The following GNAL variants were observed in gnomAD, a reference collection of about 807,000 sequenced individuals.
The protein encoded by GNAL is guanine nucleotide-binding protein G(olf) subunit alpha.
A neutral mutation model predicts 55.1 loss-of-function variants in GNAL; 18 were observed. That is an observed-to-expected ratio of 0.33 (90% confidence interval 0.23 to 0.48). The LOEUF (loss-of-function observed/expected upper bound fraction) is 0.48, where lower values mean the gene tolerates loss of function less well. Among genes scored for constraint, GNAL ranks in the 20% least tolerant of loss-of-function variants. The probability of loss-of-function intolerance (pLI) is 0.99; values close to 1 mark genes in which losing one functional copy is unlikely to be tolerated. For missense variants in GNAL, 412 were observed against 614.1 expected, an observed-to-expected ratio of 0.67 and a Z score of 3.48; for synonymous variants, 253 against 237.0, an observed-to-expected ratio of 1.07 and a Z score of -0.62.
chr18:11,789,997 C>G (rs926854313), intron 4 of GNAL, among the ~76,000 whole-genome samples: 4 of 152,230 alleles, frequency 2.6e-5, no homozygotes, highest in Non-Finnish European at 4.4e-5. Flanking sequence ...ACTCAGATCA[C>G]TGATGATGCA....
chr18:11,740,634 T>A (rs963260827), intron 1 of GNAL, among the ~76,000 whole-genome samples: 1 of 152,222 alleles, frequency 6.6e-6, no homozygotes, highest in Non-Finnish European at 1.5e-5. Flanking sequence ...TCATTCCATA[T>A]GTGTGTGTTG....
intron 1 of GNAL, chr18:11,745,562 C>G (rs889671424): frequency 6.5e-6 from 1 of 152,854 alleles, no homozygotes; most frequent in Non-Finnish European, 1.5e-5. Context: ...CCGCTGGTGC[C>G]TAGTCTTTTC....
intron 4 of GNAL, among the ~76,000 whole-genome samples, chr18:11,763,089 CATA>C (rs1228327022): frequency 6.6e-6 from 1 of 152,170 alleles, no homozygotes; most frequent in Non-Finnish European, 1.5e-5. Context: ...GCAATATTAT[CATA>C]AGAGGTACTC....
At chr18:11,763,480 C>T (rs534565917) in intron 4 of GNAL, among the ~76,000 whole-genome samples, 3 of 151,880 alleles carry the variant, frequency 2.0e-5, no homozygotes, top group East Asian at 3.9e-4. Flanking sequence ...GGTGCGATCT[C>T]GGCTCACTGC....
At chr18:11,692,634 A>G (rs1404303038) in intron 1 of GNAL, among the ~76,000 whole-genome samples, 2 of 152,114 alleles carry the variant, frequency 1.3e-5, no homozygotes, top group African/African-American at 2.4e-5. Context: ...AAAAAAAAAT[A>G]GAGACACAGC....
chr18:11,849,522 G>C (rs904916917), intron 5 of GNAL, among the ~76,000 whole-genome samples: 1 of 140,710 alleles, frequency 7.1e-6, no homozygotes, highest in Admixed American at 7.0e-5. Context: ...AAAAAAAAAA[G>C]AAAGAAAAGA....
rs779035563 is a variant in GNAL at position 11,884,643 on chromosome 18, G to A, written c.*3508G>A. On this transcript the variant is annotated 3_prime_UTR_variant, in exon 12 of 12. Transcript: ENST00000334049. ...TGATGCTACCCTGGAAAGGAGAAGG[G>A]AAAGTTATGCTGAGAGCACCAGGCA... The A allele has an allele frequency of 1.2e-6, 2 of 1,611,592 alleles. No individual in the cohort carries two copies. The highest frequency in any genetic ancestry group is 2.2e-5 in the South Asian group (2 of 91,012).
chr18:11,713,605 AT>A (rs1274432912), intron 1 of GNAL, among the ~76,000 whole-genome samples: 2 of 152,270 alleles, frequency 1.3e-5, no homozygotes, highest in African/African-American at 2.4e-5. Flanking sequence ...ATATATTTTT[AT>A]ATATAGCCTG....
At chr18:11,754,986 AAGTG>A (rs1282368540) in intron 4 of GNAL, among the ~76,000 whole-genome samples, 2 of 133,760 alleles carry the variant, frequency 1.5e-5, no homozygotes, top group East Asian at 2.2e-4. Context: ...AGTGCACCAG[AAGTG>A]AGTGTGTATG....
intron 1 of GNAL, among the ~76,000 whole-genome samples, chr18:11,712,078 T>G (rs1414244209): frequency 6.6e-6 from 1 of 152,158 alleles, no homozygotes; most frequent in Non-Finnish European, 1.5e-5. Context: ...GGAGAAGTCA[T>G]GAGTTTTGCA....
intron 10 of GNAL, among the ~76,000 whole-genome samples, chr18:11,876,041 C>A (rs2036524496): frequency 6.6e-6 from 1 of 152,150 alleles, no homozygotes; most frequent in Non-Finnish European, 1.5e-5. Flanking sequence ...TCAAAGGCTG[C>A]CCCTCTTGAT....
rs561218788 is a variant in GNAL at position 11,761,639 on chromosome 18, G to C, written c.624+7694G>C. Among the ~76,000 whole-genome samples, 27 of 152,270 alleles carry C rather than the reference G, an allele frequency of 1.8e-4. No individual in the cohort carries two copies. In the South Asian group the frequency reaches 5.4e-3, roughly 30 times the overall value. On this transcript the variant is annotated intron_variant, in intron 4 of 11. Coordinates refer to ENST00000334049, the MANE Select transcript of GNAL (RefSeq NM_182978.4). ...TCCCCTGGATTTTGCAGATTTCTATGGGATTTTTTGCCTCTCTCCCTAGGC... is the reference window on the plus strand; with the variant it reads ...TCCCCTGGATTTTGCAGATTTCTATCGGATTTTTTGCCTCTCTCCCTAGGC...
intron 5 of GNAL, among the ~76,000 whole-genome samples, chr18:11,833,297 T>G (rs897566032): frequency 6.6e-6 from 1 of 152,214 alleles, no homozygotes; most frequent in Admixed American, 6.5e-5. Flanking sequence ...CCCAAAGTGC[T>G]GGGATTACAG....
intron 4 of GNAL, among the ~76,000 whole-genome samples, chr18:11,822,961 G>T (rs2035144656): frequency 2.0e-5 from 3 of 151,930 alleles, no homozygotes; most frequent in Admixed American, 2.0e-4. Flanking sequence ...CCTGTGTTTG[G>T]ATAAATCCAG....
intron 4 of GNAL, among the ~76,000 whole-genome samples, chr18:11,763,251 AAC>A (rs2033301308): frequency 6.6e-6 from 1 of 152,166 alleles, no homozygotes; most frequent in South Asian, 2.1e-4. Flanking sequence ...TCTCTACACT[AAC>A]ACACATTTTT....
At chr18:11,869,536 A>G (rs1417932257) in intron 9 of GNAL, among the ~76,000 whole-genome samples, 1 of 152,244 alleles carries the variant, frequency 6.6e-6, no homozygotes, top group African/African-American at 2.4e-5. Context: ...TCGGCCTTCC[A>G]TATCTTCAGG....
chr18:11,750,945 C>T (rs1849177147), intron 1 of GNAL, among the ~76,000 whole-genome samples: 1 of 151,970 alleles, frequency 6.6e-6, no homozygotes, highest in Admixed American at 6.6e-5. Flanking sequence ...GGCGAAGGTC[C>T]ACAGGGCAGC....
intron 1 of GNAL, among the ~76,000 whole-genome samples, chr18:11,714,990 A>G (rs534197864): frequency 2.6e-5 from 4 of 152,054 alleles, no homozygotes; most frequent in East Asian, 1.9e-4. Flanking sequence ...AAAAATACCA[A>G]AAAAAATAAC....
chr18:11,752,153 T>G lies in GNAL; in HGVS notation c.377-700T>G. On this transcript the variant is annotated intron_variant, in intron 1 of 11. Transcript: ENST00000334049. This position sits in a 1 kb window ranked among gnomAD's most constrained non-coding sequence, Gnocchi z 4.5. ...CGGCGCCCTCGCCCCCCGTCTCCGT[T>G]CATTGTGCTGTATTCATCCAGCAGA... The G allele has an allele frequency of 3.6e-6, 1 of 280,338 alleles. No individual in the cohort carries two copies. The highest frequency in any genetic ancestry group is 6.1e-6 in the Non-Finnish European group (1 of 163,408). 17.4% of individuals were successfully genotyped at this position (280,338 alleles called of 1,614,324 possible).
Sources: allele counts gnomAD v4.1 joint callset (sites outside exome capture counted in the v4.1 genomes callset), GRCh38; gene constraint gnomAD v4.1.1; non-coding constraint Gnocchi (gnomAD v3.1); transcripts MANE v1.5; gene names NCBI Gene and HGNC (gene_info 2026-07-23, HGNC 2026-07-21).